INPP5B: variants seen among roughly 807,000 people sequenced by gnomAD.
INPP5B encodes inositol polyphosphate-5-phosphatase B, also known as type II inositol 1,4,5-trisphosphate 5-phosphatase.
In INPP5B, 90 loss-of-function variants were observed where a neutral mutation model predicts 118.5. The ratio of observed to expected loss-of-function variants is 0.76; its 90% CI spans 0.64 to 0.90. The LOEUF (loss-of-function observed/expected upper bound fraction) is 0.90, where lower values mean the gene tolerates loss of function less well. Ranked by LOEUF, INPP5B falls within the 40% of genes least tolerant of loss-of-function variation. INPP5B has a pLI of 0.00. For missense variants in INPP5B, 984 were observed against 1,125.6 expected, an observed-to-expected ratio of 0.87 and a Z score of 1.80; for synonymous variants, 385 against 418.9, an observed-to-expected ratio of 0.92 and a Z score of 0.99.
intron 12 of INPP5B, among the ~76,000 whole-genome samples, 196 bp downstream of exon 12, chr1:37,886,692 T>C (rs1643557822): frequency 6.6e-6 from 1 of 152,186 alleles, no homozygotes; most frequent in Admixed American, 6.5e-5. Flanking sequence ...AGGCGCTAAT[T>C]GGTTAAATCA....
intron 22 of INPP5B, among the ~76,000 whole-genome samples, chr1:37,865,232 C>T (rs1226184633): frequency 6.6e-6 from 1 of 151,552 alleles, no homozygotes; most frequent in East Asian, 1.9e-4. Flanking sequence ...GCTTTAGAAT[C>T]TCTATTATTG....
intron 7 of INPP5B, among the ~76,000 whole-genome samples, chr1:37,896,085 C>T (rs1390829512): frequency 6.6e-6 from 1 of 151,218 alleles, no homozygotes; most frequent in Non-Finnish European, 1.5e-5. Flanking sequence ...TCTTCCCGGC[C>T]GCCATCACAT....
At chr1:37,866,605 G>C in intron 20 of INPP5B, 62 bp from the exon 21 acceptor site, 1 of 1,014,428 alleles carries the variant, frequency 9.9e-7, no homozygotes. Flanking sequence ...ATGATTTCCT[G>C]ACCTGGCAAT....
chr1:37,878,372 C>T lies in INPP5B; in HGVS notation c.1542-49G>A, dbSNP rs531443441. 1.2e-5 allele frequency: 20 copies of T among 1,603,782 alleles called. No individual in the cohort carries two copies. In the African/African-American group the frequency reaches 1.3e-4, roughly 11 times the overall value. ...AAGTACTCACAGAAACAGCAGTGCC[C>T]GCTGCCTGGCGAGTGCCCTGGCTCA... is the stretch of plus-strand genomic sequence containing the variant. On this transcript the variant is annotated intron_variant, in intron 15 of 23. Transcript: ENST00000373024.
At chr1:37,886,742 G>A (rs941412725) in intron 12 of INPP5B, 146 bp downstream of exon 12, 17 of 666,608 alleles carry the variant, frequency 2.6e-5, no homozygotes, top group East Asian at 1.0e-4. Flanking sequence ...TAGTTTGCTC[G>A]ACTGAGCCCT....
At position 37,914,225 on chromosome 1, in the gene INPP5B, G is replaced by A. The variant is rs114677546; in HGVS notation, c.532+17688C>T. ...TCAAGAAATTTTAAAAAATTAAAAC[G>A]GCAACCAGTAGCCCTCAGGGCTGCT... is the stretch of plus-strand genomic sequence containing the variant. On this transcript the variant is annotated intron_variant, in intron 7 of 23. Transcript: ENST00000373024. Among the ~76,000 whole-genome samples the A allele has an allele frequency of 7.4e-3, 1,120 of 152,200 alleles. 14 individuals are homozygous for A. Among genetic ancestry groups the A allele is most frequent in the African/African-American group, 0.025 (1,054 of 41,524 alleles).
At chr1:37,881,389 C>T (rs1643190636) in intron 14 of INPP5B, among the ~76,000 whole-genome samples, 2 of 152,188 alleles carry the variant, frequency 1.3e-5, no homozygotes, top group South Asian at 4.1e-4. Flanking sequence ...CCAGATCACA[C>T]TCTCAGCAAG....
intron 6 of INPP5B, among the ~76,000 whole-genome samples, chr1:37,937,378 T>G (rs1030658185): frequency 2.0e-5 from 3 of 152,032 alleles, no homozygotes; most frequent in African/African-American, 7.3e-5. Context: ...ACGCCTGTAA[T>G]CCCAGCACTT....
rs368327131 is a variant in INPP5B at position 37,917,308 on chromosome 1, T to TTATATATATATA, written c.532+14593_532+14604dup. On this transcript the variant is annotated intron_variant, in intron 7 of 23. Coordinates refer to ENST00000373024, the MANE Select transcript of INPP5B (RefSeq NM_005540.3). ...CGTCTCGGGGGAAAAAAAAAAATAA[T>TTATATATATATA]TATATATATATATATATATATATAT... is the stretch of plus-strand genomic sequence containing the variant. Among the ~76,000 whole-genome samples, 475 of 92,734 alleles carry TTATATATATATA rather than the reference T, an allele frequency of 5.1e-3. 6 individuals are homozygous for TTATATATATATA. The highest frequency in any genetic ancestry group is 6.7e-3 in the Non-Finnish European group (325 of 48,770). The allele number at this position is 92,734 out of a possible 152,430, so 60.8% of individuals were successfully genotyped here. A position where few individuals can be genotyped will look rare whatever the true frequency, so the allele number is the denominator to read the frequency against.
At chr1:37,908,878 C>G (rs1644590588) in intron 7 of INPP5B, among the ~76,000 whole-genome samples, 1 of 152,220 alleles carries the variant, frequency 6.6e-6, no homozygotes, top group African/African-American at 2.4e-5. Flanking sequence ...CTACCTTTCT[C>G]TTTAAACTTA....
intron 7 of INPP5B, among the ~76,000 whole-genome samples, chr1:37,924,619 CA>C (rs1248208413): frequency 6.6e-6 from 1 of 151,982 alleles, no homozygotes; most frequent in Non-Finnish European, 1.5e-5. Context: ...TAATATCGTA[CA>C]AAGAGGTCAA....
At chr1:37,937,980 A>AG (rs1464866477) in intron 6 of INPP5B, among the ~76,000 whole-genome samples, 1 of 149,968 alleles carries the variant, frequency 6.7e-6, no homozygotes, top group Non-Finnish European at 1.5e-5. Flanking sequence ...CTCAAAAAAA[A>AG]AAAAAAAAAA....
At chr1:37,938,571 G>C (rs932346372) in intron 6 of INPP5B, among the ~76,000 whole-genome samples, 1 of 152,178 alleles carries the variant, frequency 6.6e-6, no homozygotes, top group Non-Finnish European at 1.5e-5. Flanking sequence ...AGGTGAAGTA[G>C]CTTGCCCAAA....
intron 7 of INPP5B, among the ~76,000 whole-genome samples, chr1:37,896,466 G>A (rs1449606159): frequency 1.3e-5 from 2 of 148,304 alleles, no homozygotes; most frequent in African/African-American, 5.0e-5. Context: ...GTCCGGGAGG[G>A]AGGTGGGGGG....
intron 6 of INPP5B, among the ~76,000 whole-genome samples, chr1:37,933,903 A>T (rs763184867): frequency 0.011 from 156 of 13,916 alleles, no homozygotes; most frequent in African/African-American, 0.014. Context: ...TTTTTATTTT[A>T]TTTATTTATT....
intron 7 of INPP5B, among the ~76,000 whole-genome samples, chr1:37,913,960 A>AC (rs997405579): frequency 2.7e-4 from 40 of 150,400 alleles, no homozygotes; most frequent in African/African-American, 3.9e-4. Flanking sequence ...GATATATTCT[A>AC]CCCCCCCACT....
intron 3 of INPP5B, among the ~76,000 whole-genome samples, chr1:37,945,159 G>A (rs879689613): frequency 6.6e-6 from 1 of 152,064 alleles, no homozygotes; most frequent in Non-Finnish European, 1.5e-5. Context: ...GGCTGGGCAC[G>A]CTGGCTCATG....
chr1:37,900,676 C>CAG (rs1280115821), intron 7 of INPP5B, among the ~76,000 whole-genome samples: 1 of 148,298 alleles, frequency 6.7e-6, no homozygotes, highest in Non-Finnish European at 1.5e-5. Flanking sequence ...TCACCCAGGC[C>CAG]AGAGTACAGT....
intron 7 of INPP5B, among the ~76,000 whole-genome samples, chr1:37,928,135 G>A (rs1009493358): frequency 1.3e-5 from 2 of 152,038 alleles, no homozygotes; most frequent in Non-Finnish European, 2.9e-5. Context: ...GCCAGCTCCT[G>A]AGGGGTGCCT....
Sources: gnomAD v4.1 joint callset for allele counts (sites outside exome capture counted in the v4.1 genomes callset) on GRCh38, gnomAD v4.1.1 for gene constraint, MANE v1.5 for transcripts, NCBI Gene and HGNC (gene_info 2026-07-23, HGNC 2026-07-21) for gene names.